FOCAD: variants seen among roughly 807,000 people sequenced by gnomAD.
FOCAD encodes focadhesin.
In FOCAD, 198 loss-of-function variants were observed where a neutral mutation model predicts 225.6. The ratio of observed to expected loss-of-function variants is 0.88; its 90% CI spans 0.78 to 0.99. The LOEUF (loss-of-function observed/expected upper bound fraction) is 0.99. Ranked by LOEUF, FOCAD falls within the 50% of genes least tolerant of loss-of-function variation. FOCAD has a pLI of 0.00. For missense variants in FOCAD, 2,713 were observed against 2,123.6 expected, an observed-to-expected ratio of 1.28 and a Z score of -5.46; for synonymous variants, 897 against 755.0, an observed-to-expected ratio of 1.19 and a Z score of -3.08.
At chr9:20,769,474 G>C (rs550569670) in intron 7 of FOCAD, among the ~76,000 whole-genome samples, 1 of 152,252 alleles carries the variant, frequency 6.6e-6, no homozygotes, top group South Asian at 2.1e-4. Flanking sequence ...AGAGCACCCA[G>C]GTCCTTCCTA....
chr9:20,731,004 G>A (rs7027761), intron 4 of FOCAD, among the ~76,000 whole-genome samples: 48,752 of 152,048 alleles, frequency 0.32, 7,897 homozygotes, highest in East Asian at 0.4. Flanking sequence ...GGGAGGCTGA[G>A]GCGGGCAGAT....
Position 20,885,149 on chromosome 9 carries a change from T to C in FOCAD, c.2544T>C (p.Ser848=). 6.5e-7 allele frequency: 1 copy of C among 1,539,430 alleles called. No individual in the cohort carries two copies. The highest frequency in any genetic ancestry group is 8.8e-7 in the Non-Finnish European group (1 of 1,141,350). Residue 848 remains serine, a synonymous_variant, in exon 21 of 44, where the codon AGT becomes AGC. Transcript: ENST00000338382. ...GCTATGATGTTTCCATGTATCAGAG[T>C]AAAGATGGAAAACCATTGAACAGAC... is the stretch of plus-strand genomic sequence containing the variant. ...LFCYDVSMYQ[S]KDGKPLNRLM...
chr9:20,877,624 C>A (rs1245582991), intron 19 of FOCAD, among the ~76,000 whole-genome samples: 1 of 152,108 alleles, frequency 6.6e-6, no homozygotes, highest in Non-Finnish European at 1.5e-5. Context: ...GTTGTGGGCT[C>A]CCAGGTTTGT....
At chr9:20,926,125 A>G (rs541589224) in intron 25 of FOCAD, among the ~76,000 whole-genome samples, 176 bp from the exon 26 acceptor site, 40 of 148,896 alleles carry the variant, frequency 2.7e-4, no homozygotes, top group Non-Finnish European at 5.0e-4. Flanking sequence ...GAGGATGTAT[A>G]TTTGTCAACT....
At chr9:20,857,294 T>C (rs756242663) in intron 15 of FOCAD, among the ~76,000 whole-genome samples, 15 of 152,104 alleles carry the variant, frequency 9.9e-5, no homozygotes, top group Non-Finnish European at 1.6e-4. Context: ...ATAGTTTTCA[T>C]TGTAGAGATC....
chr9:20,903,479 T>G (rs977860179), intron 21 of FOCAD, among the ~76,000 whole-genome samples: 2 of 151,962 alleles, frequency 1.3e-5, no homozygotes, highest in African/African-American at 4.8e-5. Flanking sequence ...CCTTTTACAA[T>G]ATAAATTAGA....
chr9:20,959,426 T>C (rs1409688254), intron 35 of FOCAD, among the ~76,000 whole-genome samples: 1 of 152,194 alleles, frequency 6.6e-6, no homozygotes, highest in Non-Finnish European at 1.5e-5. Flanking sequence ...CCTTGCATAT[T>C]CTGGATATTA....
At chr9:20,709,125 A>G (rs1003725789) in intron 1 of FOCAD, among the ~76,000 whole-genome samples, 10 of 152,212 alleles carry the variant, frequency 6.6e-5, no homozygotes, top group African/African-American at 2.4e-4. Flanking sequence ...TGCAATTGAT[A>G]GATTAATTTT....
Position 20,820,545 on chromosome 9 carries a change from G to A in FOCAD, c.1662+120G>A. 3 of 751,302 alleles carry A rather than the reference G, an allele frequency of 4.0e-6. No homozygotes were observed. In the Admixed American group the frequency reaches 9.4e-5, roughly 24 times the overall value. 46.5% of individuals were successfully genotyped at this position (751,302 alleles called of 1,614,324 possible). A position where few individuals can be genotyped will look rare whatever the true frequency, so the allele number is the denominator to read the frequency against. ...GTATTAATGAGTGGCATCAGTGATT[G>A]CATTGAAAAAGTTTTGATTTATTGT... On this transcript the variant is annotated intron_variant, in intron 13 of 43. Transcript: ENST00000338382.
At chr9:20,710,752 A>G (rs1191011979) in intron 1 of FOCAD, among the ~76,000 whole-genome samples, 1 of 151,914 alleles carries the variant, frequency 6.6e-6, no homozygotes, top group African/African-American at 2.4e-5. Context: ...GATAAAGGAT[A>G]TTTTCTTACC....
At chr9:20,709,576 G>C (rs1824667037) in intron 1 of FOCAD, among the ~76,000 whole-genome samples, 1 of 149,876 alleles carries the variant, frequency 6.7e-6, no homozygotes, top group Non-Finnish European at 1.5e-5. Flanking sequence ...CATGTGTACT[G>C]TTTTTTGAAA....
chr9:20,805,948 CT>C (rs1211643701), intron 11 of FOCAD, among the ~76,000 whole-genome samples: 1 of 152,190 alleles, frequency 6.6e-6, no homozygotes, highest in Non-Finnish European at 1.5e-5. Flanking sequence ...GCAAAATGCA[CT>C]GTTGCTAGGC....
At chr9:20,881,159 A>C (rs1183676496) in intron 19 of FOCAD, among the ~76,000 whole-genome samples, 1 of 152,238 alleles carries the variant, frequency 6.6e-6, no homozygotes, top group Non-Finnish European at 1.5e-5. Flanking sequence ...AAACACTTAA[A>C]TGATAAGAAG....
upstream of FOCAD, chr9:20,683,265 G>C (rs751168312): frequency 8.5e-5 from 13 of 152,190 alleles, no homozygotes; most frequent in Non-Finnish European, 1.3e-4. Flanking sequence ...AGATCTGGCA[G>C]CAGACCTTTT....
chr9:20,737,295 C>A (rs1827225200), intron 4 of FOCAD, among the ~76,000 whole-genome samples: 1 of 152,168 alleles, frequency 6.6e-6, no homozygotes, highest in Non-Finnish European at 1.5e-5. Flanking sequence ...AAAGGTAGGA[C>A]ACCATAAAAA....
At chr9:20,868,808 G>C (rs1249266211) in intron 18 of FOCAD, among the ~76,000 whole-genome samples, 1 of 151,998 alleles carries the variant, frequency 6.6e-6, no homozygotes, top group Non-Finnish European at 1.5e-5. Context: ...GTTGAGATGA[G>C]GGGTGTAAGT....
At chr9:20,847,870 C>T (rs10964739) in intron 15 of FOCAD, among the ~76,000 whole-genome samples, 5,653 of 151,920 alleles carry the variant, frequency 0.037, 143 homozygotes, top group Middle Eastern at 0.075. Context: ...ATAAAGTTTT[C>T]ATGTAAGGTA....
At chr9:20,688,878 G>C (rs1822811524) in intron 1 of FOCAD, among the ~76,000 whole-genome samples, 1 of 152,192 alleles carries the variant, frequency 6.6e-6, no homozygotes, top group Non-Finnish European at 1.5e-5. Flanking sequence ...ATATGATTCT[G>C]TGACTTTTGG....
At chr9:20,874,528 A>G in intron 18 of FOCAD, 153 bp from the exon 19 acceptor site, 3 of 692,898 alleles carry the variant, frequency 4.3e-6, no homozygotes, top group Non-Finnish European at 6.9e-6. Context: ...AAATGAATAG[A>G]TTTTTAAAAA....
Sources: gnomAD v4.1 joint callset for allele counts (sites outside exome capture counted in the v4.1 genomes callset) on GRCh38, gnomAD v4.1.1 for gene constraint, MANE v1.5 for transcripts, NCBI Gene and HGNC (gene_info 2026-07-23, HGNC 2026-07-21) for gene names.